The following ADARB2 variants were observed in gnomAD, a reference collection of about 807,000 sequenced individuals.
The protein encoded by ADARB2 is adenosine deaminase RNA specific B2 (inactive).
ADARB2 carries 25 observed loss-of-function variants against 62.2 expected under a neutral mutation model. The observed-to-expected ratio is 0.40, with a 90% CI of 0.29 to 0.56. The LOEUF is 0.56. ADARB2 is among the 20% of genes least tolerant of loss of function. The pLI, the probability that ADARB2 is intolerant of heterozygous loss-of-function variation, is 0.43. For missense variants in ADARB2, 1,071 were observed against 1,077.4 expected, an observed-to-expected ratio of 0.99 and a Z score of 0.08; for synonymous variants, 572 against 500.8, an observed-to-expected ratio of 1.14 and a Z score of -1.90.
At chr10:1,573,393 G>A (rs568166514) in intron 1 of ADARB2, among the ~76,000 whole-genome samples, 28 of 152,326 alleles carry the variant, frequency 1.8e-4, no homozygotes, top group African/African-American at 6.7e-4. Context: ...TTCTCCTCAT[G>A]TCACAGAAGA....
chr10:1,687,477 C>G (rs964821681), intron 1 of ADARB2, among the ~76,000 whole-genome samples: 2 of 151,810 alleles, frequency 1.3e-5, no homozygotes, highest in African/African-American at 4.8e-5. Context: ...GATCTCAAAG[C>G]TAACATAATA....
In ADARB2 at chr10:1,670,515, A is replaced by G. The variant is rs78670569; in HGVS notation, c.100+66536T>C. On this transcript the variant is annotated intron_variant, in intron 1 of 9. Transcript: ENST00000381312. ...CCTGCTTCCTTGAAACTGAGTTACC[A>G]CTGGGAGCAGTTGTCAGATGCTGAC... Among the ~76,000 whole-genome samples, 513 of 152,278 alleles carry G rather than the reference A, an allele frequency of 3.4e-3. 4 individuals carry two copies. The highest frequency in any genetic ancestry group is 0.012 in the African/African-American group (485 of 41,560).
intron 1 of ADARB2, among the ~76,000 whole-genome samples, chr10:1,437,944 T>C (rs1482495380): frequency 1.3e-5 from 2 of 152,226 alleles, no homozygotes; most frequent in African/African-American, 4.8e-5. Flanking sequence ...ACCTGGGGTC[T>C]CACTTCTTAG....
At chr10:1,219,766 G>A (rs1830665910) in intron 6 of ADARB2, among the ~76,000 whole-genome samples, 1 of 150,638 alleles carries the variant, frequency 6.6e-6, no homozygotes, top group Non-Finnish European at 1.5e-5. Flanking sequence ...GATGGTGGCG[G>A]TGGAGACGGT....
intron 3 of ADARB2, among the ~76,000 whole-genome samples, chr10:1,328,676 C>T (rs1223501225): frequency 1.3e-5 from 2 of 152,092 alleles, no homozygotes; most frequent in Admixed American, 6.5e-5. Context: ...TGTAAAACTT[C>T]GATTTCATTT....
At chr10:1,415,865 G>C (rs1832797318) in intron 1 of ADARB2, among the ~76,000 whole-genome samples, 2 of 152,306 alleles carry the variant, frequency 1.3e-5, no homozygotes, top group East Asian at 3.9e-4. Context: ...CCCTAAAGCA[G>C]TAGTGTCTCT....
In ADARB2 at chr10:1,288,428, G is replaced by A. The variant is rs542169597; in HGVS notation, c.1078-17359C>T. On this transcript the variant is annotated intron_variant, in intron 3 of 9. Transcript: ENST00000381312. ...GCGAGTGTCATTTCTGTTCATCCCC[G>A]TTGTATCCCTAAGAGGCAGTTACGA... Among the ~76,000 whole-genome samples, 4 of 152,296 alleles carry A rather than the reference G, an allele frequency of 2.6e-5. No individual in the cohort carries two copies. In the South Asian group the frequency reaches 8.3e-4, roughly 32 times the overall value.
chr10:1,249,000 C>A (rs1339252807), intron 4 of ADARB2, among the ~76,000 whole-genome samples: 1 of 152,192 alleles, frequency 6.6e-6, no homozygotes, highest in Non-Finnish European at 1.5e-5. Flanking sequence ...TAAATCATTG[C>A]CATACTGACG....
intron 4 of ADARB2, among the ~76,000 whole-genome samples, chr10:1,243,798 T>C (rs534444140): frequency 1.3e-5 from 2 of 152,334 alleles, no homozygotes; most frequent in African/African-American, 4.8e-5. Flanking sequence ...CTCCTGCCCA[T>C]GTCCACTGCT....
At chr10:1,292,246 T>A (rs1831472800) in intron 3 of ADARB2, 1 of 152,192 alleles carries the variant, frequency 6.6e-6, no homozygotes, top group Non-Finnish European at 1.5e-5. Context: ...ATTACAGGCG[T>A]GAGCCACCGC....
At position 1,569,623 on chromosome 10, in the gene ADARB2, G is replaced by A. The variant is rs554324271; in HGVS notation, c.100+167428C>T. ...TTTGGAAGTAAGCATTTCTATATTC[G>A]CACCTGTCTCCTTTTTAGAAATTAA... On this transcript the variant is annotated intron_variant, in intron 1 of 9. Transcript: ENST00000381312. Among the ~76,000 whole-genome samples the A allele has an allele frequency of 8.5e-5, 13 of 152,202 alleles. No homozygotes were observed. In the South Asian group the frequency reaches 1.9e-3, roughly 22 times the overall value.
At chr10:1,251,498 G>A (rs1218541625) in intron 4 of ADARB2, among the ~76,000 whole-genome samples, 1 of 152,118 alleles carries the variant, frequency 6.6e-6, no homozygotes, top group African/African-American at 2.4e-5. Context: ...GTACAATGGT[G>A]GATCCATGTC....
At chr10:1,387,151 C>T (rs1479789703) in intron 1 of ADARB2, among the ~76,000 whole-genome samples, 2 of 151,810 alleles carry the variant, frequency 1.3e-5, no homozygotes, top group Non-Finnish European at 2.9e-5. Flanking sequence ...TAAGTTTATG[C>T]TTATATTAGA....
At chr10:1,730,384 T>A (rs949728735) in intron 1 of ADARB2, among the ~76,000 whole-genome samples, 1 of 152,220 alleles carries the variant, frequency 6.6e-6, no homozygotes, top group Admixed American at 6.5e-5. Flanking sequence ...ATTTTGCTTG[T>A]ACACAGTGTG....
intron 3 of ADARB2, among the ~76,000 whole-genome samples, chr10:1,296,040 C>T (rs560767276): frequency 7.9e-5 from 12 of 152,322 alleles, no homozygotes; most frequent in South Asian, 4.1e-4. Context: ...GGGTCAGGCC[C>T]GCTCCATGTG....
At chr10:1,391,698 A>T (rs1270569516) in intron 1 of ADARB2, among the ~76,000 whole-genome samples, 2 of 152,102 alleles carry the variant, frequency 1.3e-5, no homozygotes, top group Non-Finnish European at 2.9e-5. Flanking sequence ...ATGTGAAATA[A>T]CACATTGGCT....
chr10:1,399,650 G>T (rs1237311895), intron 1 of ADARB2, among the ~76,000 whole-genome samples: 1 of 152,150 alleles, frequency 6.6e-6, no homozygotes, highest in East Asian at 1.9e-4. Context: ...TGATGATCAC[G>T]CCCTGAGACG....
chr10:1,515,788 G>A (rs2131948095), intron 1 of ADARB2, among the ~76,000 whole-genome samples: 1 of 152,328 alleles, frequency 6.6e-6, no homozygotes, highest in African/African-American at 2.4e-5. Context: ...GCCACTGATT[G>A]CCCGGCTGGC....
rs185787419 is a variant in ADARB2, at chr10:1,411,937, A to G, written c.101-32777T>C. Among the ~76,000 whole-genome samples the G allele has an allele frequency of 1.9e-3, 288 of 152,334 alleles. 1 individual carries two copies. The highest frequency in any genetic ancestry group is 0.017 in the South Asian group (80 of 4,828). ...TATACATAAAGACCTGAAAACTGCTATTTAAAACAGCCTTTACTCAGAGTG... is the reference window on the plus strand; with the variant it reads ...TATACATAAAGACCTGAAAACTGCTGTTTAAAACAGCCTTTACTCAGAGTG... On this transcript the variant is annotated intron_variant, in intron 1 of 9. Coordinates refer to ENST00000381312, the MANE Select transcript of ADARB2 (RefSeq NM_018702.4).
Sources: gnomAD v4.1 joint callset for allele counts (sites outside exome capture counted in the v4.1 genomes callset) on GRCh38, gnomAD v4.1.1 for gene constraint, MANE v1.5 for transcripts, NCBI Gene and HGNC (gene_info 2026-07-23, HGNC 2026-07-21) for gene names.